Variants in ZFYVE1 observed in about 807,000 individuals in gnomAD.
ZFYVE1 encodes the protein zinc finger FYVE domain-containing protein 1.
Under a neutral mutation model 74.4 loss-of-function variants are expected in ZFYVE1, and 30 were observed. That is an observed-to-expected ratio of 0.40 (90% CI 0.30 to 0.55). The LOEUF (loss-of-function observed/expected upper bound fraction) is 0.55. Ranked by LOEUF, ZFYVE1 falls within the 20% of genes least tolerant of loss-of-function variation. The pLI is 0.42. For synonymous variants in ZFYVE1, 335 were observed against 385.1 expected, an observed-to-expected ratio of 0.87 and a Z score of 1.52; for missense variants, 703 against 1,011.6, an observed-to-expected ratio of 0.69 and a Z score of 4.14.
At chr14:72,989,858 CA>C (rs1893568103) in intron 4 of ZFYVE1, among the ~76,000 whole-genome samples, 1 of 151,784 alleles carries the variant, frequency 6.6e-6, no homozygotes, top group South Asian at 2.1e-4. Flanking sequence ...AGAAATCAAA[CA>C]AATTATTCTG....
At chr14:73,023,294 TA>T in intron 2 of ZFYVE1, among the ~76,000 whole-genome samples, 1 of 121,142 alleles carries the variant, frequency 8.3e-6, no homozygotes, top group Admixed American at 9.2e-5. Flanking sequence ...GTTTTATATA[TA>T]ATATATATTA....
chr14:72,990,769 C>T (rs1321627325), intron 4 of ZFYVE1, among the ~76,000 whole-genome samples: 1 of 135,256 alleles, frequency 7.4e-6, no homozygotes, highest in East Asian at 2.3e-4. Context: ...GCACTGTACT[C>T]GGCCCACTGC....
chr14:73,023,421 TTTATATATA>T (rs1894386095), intron 2 of ZFYVE1, among the ~76,000 whole-genome samples: 1 of 135,452 alleles, frequency 7.4e-6, no homozygotes, highest in Non-Finnish European at 1.5e-5. Flanking sequence ...TATTTTATGT[TTTATATATA>T]TTATATATAT....
intron 2 of ZFYVE1, among the ~76,000 whole-genome samples, chr14:72,999,944 C>T (rs1893834656): frequency 6.6e-6 from 1 of 152,102 alleles, no homozygotes; most frequent in Non-Finnish European, 1.5e-5. Context: ...GCCTGTAATC[C>T]CAGCTACTCG....
intron 4 of ZFYVE1, among the ~76,000 whole-genome samples, chr14:72,986,309 T>C (rs1157391171): frequency 1.3e-5 from 2 of 152,078 alleles, no homozygotes; most frequent in African/African-American, 2.4e-5. Context: ...AGAAAGAGAC[T>C]CCAGGCAAGC....
At chr14:73,019,861 G>T (rs1289354265) in intron 2 of ZFYVE1, among the ~76,000 whole-genome samples, 11 of 151,904 alleles carry the variant, frequency 7.2e-5, no homozygotes, top group Non-Finnish European at 1.6e-4. Context: ...TGACGCAGGA[G>T]AATCACTTGA....
chr14:73,014,647 T>C (rs1219529129), intron 2 of ZFYVE1, among the ~76,000 whole-genome samples: 1 of 152,190 alleles, frequency 6.6e-6, no homozygotes, highest in East Asian at 1.9e-4. Flanking sequence ...AATTAGTCCT[T>C]ACATTATAAT....
chr14:72,999,330 G>A (rs1893820265), intron 2 of ZFYVE1, among the ~76,000 whole-genome samples: 1 of 152,088 alleles, frequency 6.6e-6, no homozygotes. Context: ...AGGAGGCTAT[G>A]GCAGGAGAAT....
intron 4 of ZFYVE1, among the ~76,000 whole-genome samples, chr14:72,982,436 A>G (rs910286511): frequency 2.6e-5 from 4 of 152,204 alleles, no homozygotes; most frequent in African/African-American, 9.6e-5. Flanking sequence ...CCAGTCATTT[A>G]TCAACTCTAC....
chr14:73,013,007 G>C (rs1360426050), intron 2 of ZFYVE1, among the ~76,000 whole-genome samples: 1 of 152,106 alleles, frequency 6.6e-6, no homozygotes, highest in African/African-American at 2.4e-5. Flanking sequence ...ACTTGAACCT[G>C]AGGGTCTGTA....
intron 2 of ZFYVE1, among the ~76,000 whole-genome samples, chr14:73,023,182 A>G (rs1894355602): frequency 1.5e-5 from 2 of 137,082 alleles, no homozygotes; most frequent in African/African-American, 5.4e-5. Context: ...ATATATATAT[A>G]TATATATATA....
intron 5 of ZFYVE1, among the ~76,000 whole-genome samples, chr14:72,979,546 C>G (rs1473512755): frequency 6.6e-6 from 1 of 151,788 alleles, no homozygotes; most frequent in Non-Finnish European, 1.5e-5. Flanking sequence ...CCCAGCTACT[C>G]AGGAGGCTGA....
rs1044141998 is a variant in ZFYVE1 at position 72,969,920 on chromosome 14, A to C, written c.*962T>G. 2.3e-5 allele frequency: 14 copies of C among 602,552 alleles called. No homozygotes were observed. The highest frequency in any genetic ancestry group is 2.9e-5 in the Non-Finnish European group (10 of 341,318). The allele number at this position is 602,552 out of a possible 1,614,324, so 37.3% of individuals were successfully genotyped here. ...AAGGTTTCTCATGATCGCCCCTCCGAGAGCTAGAGGGGTTGTGTGTCTGGG... is the reference window on the plus strand; with the variant it reads ...AAGGTTTCTCATGATCGCCCCTCCGCGAGCTAGAGGGGTTGTGTGTCTGGG... On this transcript the variant is annotated 3_prime_UTR_variant, in exon 12 of 12. Coordinates refer to ENST00000556143, the MANE Select transcript of ZFYVE1 (RefSeq NM_021260.4).
Position 72,974,869 on chromosome 14 carries a change from A to G in ZFYVE1, c.1897T>C (p.Ser633Pro), listed in dbSNP as rs776279079. ...CGCTCAGGCACTGGCCGAGTCTTTG[A>G]TGAACAGCTGTCACAGAAGCCCTCC... ...CGEGFCDSCS[S>P]KTRPVPERGW... Residue 633 changes from serine (S) to proline (P), a missense_variant, in exon 10 of 12, where the codon TCA becomes CCA. Around this residue, in one of 2 missense-constraint regions of ZFYVE1, gnomAD observed 492 missense variants for 790.0 expected, o/e 0.62. Coordinates refer to ENST00000556143, the MANE Select transcript of ZFYVE1 (RefSeq NM_021260.4). The G allele has an allele frequency of 6.2e-7, 1 of 1,614,144 alleles. No individual in the cohort carries two copies. The highest frequency in any genetic ancestry group is 1.3e-5 in the African/African-American group (1 of 75,038).
intron 4 of ZFYVE1, among the ~76,000 whole-genome samples, chr14:72,985,824 G>A (rs1893465282): frequency 2.6e-5 from 4 of 151,392 alleles, no homozygotes; most frequent in Admixed American, 2.6e-4. Context: ...TTACTATGTT[G>A]CCCAGGCTGG....
At chr14:73,019,976 G>A (rs1172363009) in intron 2 of ZFYVE1, among the ~76,000 whole-genome samples, 1 of 151,682 alleles carries the variant, frequency 6.6e-6, no homozygotes, top group Non-Finnish European at 1.5e-5. Flanking sequence ...GAAAATTTAT[G>A]TCGGGCGCAG....
chr14:72,992,873 G>T (rs1212317408), intron 4 of ZFYVE1, among the ~76,000 whole-genome samples: 1 of 152,174 alleles, frequency 6.6e-6, no homozygotes, highest in Non-Finnish European at 1.5e-5. Flanking sequence ...CACCAGGGCT[G>T]AGCCACACCA....
intron 4 of ZFYVE1, among the ~76,000 whole-genome samples, chr14:72,992,701 C>CA (rs1893650034): frequency 1.3e-5 from 2 of 148,192 alleles, no homozygotes; most frequent in African/African-American, 5.0e-5. Context: ...GCCCCCCGAA[C>CA]AAAAAACAAT....
intron 11 of ZFYVE1, among the ~76,000 whole-genome samples, chr14:72,972,831 C>A (rs1244617375): frequency 6.6e-6 from 1 of 151,960 alleles, no homozygotes; most frequent in East Asian, 1.9e-4. Flanking sequence ...CCTCAGCCTC[C>A]CTAGTAGCTG....
Sources: gnomAD v4.1 joint callset for allele counts (sites outside exome capture counted in the v4.1 genomes callset) on GRCh38, gnomAD v4.1.1 for gene constraint, gnomAD v4.1.1 regional missense constraint, MANE v1.5 for transcripts, NCBI Gene and HGNC (gene_info 2026-07-23, HGNC 2026-07-21) for gene names.